The following OLFM3 variants were observed in gnomAD, a reference collection of about 807,000 sequenced individuals.
OLFM3 encodes the protein olfactomedin 3, also known as noelin-3.
Under a neutral mutation model 48.6 loss-of-function variants are expected in OLFM3, and 20 were observed. The ratio of observed to expected loss-of-function variants is 0.41; its 90% CI spans 0.29 to 0.60. The LOEUF is 0.60. Ranked by LOEUF, OLFM3 falls within the 20% of genes least tolerant of loss-of-function variation. OLFM3 has a pLI of 0.28. For missense variants in OLFM3, 437 were observed against 544.3 expected (o/e 0.80, Z 1.96); for synonymous variants, 222 against 198.1 (o/e 1.12, Z -1.01).
chr1:101,966,735 T>C (rs188280341), intron 1 of OLFM3, among the ~76,000 whole-genome samples: 1 of 142,008 alleles, frequency 7.0e-6, no homozygotes, highest in East Asian at 2.2e-4. Context: ...TGGAGGTCTT[T>C]ACTGAGATCC....
chr1:101,824,965 C>A, intron 4 of OLFM3, 61 bp downstream of exon 4: 3 of 1,414,876 alleles, frequency 2.1e-6, no homozygotes, highest in Non-Finnish European at 3.0e-6. Flanking sequence ...AACGTAAGAG[C>A]ACAATTTTCT....
rs373689540 is a variant in OLFM3, at chr1:101,820,011, T to C, written c.592+5015A>G. 7.6e-4 allele frequency among the ~76,000 whole-genome samples: 116 copies of C among 152,190 alleles called. 5 individuals carry two copies. The South Asian group carries it at 0.022, about 29-fold the overall frequency. On this transcript the variant is annotated intron_variant, in intron 4 of 5. Coordinates refer to ENST00000370103, the MANE Select transcript of OLFM3 (RefSeq NM_058170.4). Reference sequence around the variant, plus strand: ...AGTTGTCCCCACTAAAATATAACCTTGACAGGAAGAGGAAGATGGTCTCCT... The same window carrying C: ...AGTTGTCCCCACTAAAATATAACCTCGACAGGAAGAGGAAGATGGTCTCCT...
chr1:101,883,212 T>C (rs910663177), intron 1 of OLFM3, among the ~76,000 whole-genome samples: 1 of 151,480 alleles, frequency 6.6e-6, no homozygotes, highest in African/African-American at 2.4e-5. Flanking sequence ...AAAATCAATG[T>C]TTTTAGCTTG....
intron 1 of OLFM3, among the ~76,000 whole-genome samples, chr1:101,954,464 A>G (rs1570662993): frequency 6.6e-6 from 1 of 152,048 alleles, no homozygotes; most frequent in Non-Finnish European, 1.5e-5. Context: ...AACATGACAC[A>G]CTGTTTCTTG....
intron 1 of OLFM3, among the ~76,000 whole-genome samples, chr1:101,925,485 G>C (rs1325956722): frequency 6.6e-6 from 1 of 151,914 alleles, no homozygotes; most frequent in African/African-American, 2.4e-5. Flanking sequence ...GAGTGTGTGT[G>C]TGTGTGTGTC....
intron 1 of OLFM3, among the ~76,000 whole-genome samples, chr1:101,862,693 T>G (rs973386713): frequency 6.6e-6 from 1 of 152,156 alleles, no homozygotes; most frequent in Non-Finnish European, 1.5e-5. Context: ...TCACCAGAAA[T>G]GTGATTCAAT....
At chr1:101,873,986 T>C (rs1657192278) in intron 1 of OLFM3, among the ~76,000 whole-genome samples, 1 of 151,934 alleles carries the variant, frequency 6.6e-6, no homozygotes, top group Non-Finnish European at 1.5e-5. Flanking sequence ...TATTAAAATG[T>C]AATATGGCTT....
chr1:101,825,302 G>A, intron 3 of OLFM3, 57 bp from the exon 4 acceptor site: 6 of 1,309,928 alleles, frequency 4.6e-6, no homozygotes, highest in Non-Finnish European at 6.4e-6. Flanking sequence ...ATGCTGCTCT[G>A]TTCTTTTTAT....
intron 1 of OLFM3, among the ~76,000 whole-genome samples, chr1:101,914,542 T>C (rs544233969): frequency 7.0e-4 from 106 of 152,350 alleles, no homozygotes; most frequent in African/African-American, 2.5e-3. Flanking sequence ...AGAATACTAT[T>C]TCAATATTAT....
chr1:101,973,995 T>G (rs1172171704), intron 1 of OLFM3, among the ~76,000 whole-genome samples: 2 of 147,682 alleles, frequency 1.4e-5, no homozygotes, highest in Middle Eastern at 3.6e-3. Context: ...GTCTGAGGAC[T>G]TTGGTTCATT....
At chr1:101,816,087 A>G (rs1396090983) in intron 4 of OLFM3, among the ~76,000 whole-genome samples, 1 of 152,220 alleles carries the variant, frequency 6.6e-6, no homozygotes, top group Non-Finnish European at 1.5e-5. Flanking sequence ...AAACACCACT[A>G]AGATGTCTAG....
At chr1:101,922,738 A>G (rs1659136782) in intron 1 of OLFM3, among the ~76,000 whole-genome samples, 1 of 152,200 alleles carries the variant, frequency 6.6e-6, no homozygotes, top group African/African-American at 2.4e-5. Flanking sequence ...GAACACCTAA[A>G]AATGTGTTGT....
intron 1 of OLFM3, among the ~76,000 whole-genome samples, chr1:101,867,471 A>C (rs1170255857): frequency 1.3e-5 from 2 of 152,224 alleles, no homozygotes; most frequent in Non-Finnish European, 2.9e-5. Context: ...AAGTCAATCT[A>C]GACTAGAATA....
chr1:101,969,896 G>A (rs1660733582), intron 1 of OLFM3, among the ~76,000 whole-genome samples: 1 of 152,138 alleles, frequency 6.6e-6, no homozygotes, highest in African/African-American at 2.4e-5. Context: ...TGATTAAAAA[G>A]GGGAGCATCT....
intron 1 of OLFM3, among the ~76,000 whole-genome samples, chr1:101,986,123 G>A (rs12142858): frequency 0.14 from 21,958 of 151,690 alleles, 2,109 homozygotes; most frequent in Non-Finnish European, 0.19. Context: ...CCGCCACCAC[G>A]CCCGGCTAAT....
chr1:101,962,053 G>A (rs1436398882), intron 1 of OLFM3, among the ~76,000 whole-genome samples: 1 of 151,974 alleles, frequency 6.6e-6, no homozygotes, highest in Non-Finnish European at 1.5e-5. Context: ...AACAATTTCC[G>A]CTTGCCGTGT....
chr1:101,925,527 T>C (rs1263611736), intron 1 of OLFM3, among the ~76,000 whole-genome samples: 7 of 151,922 alleles, frequency 4.6e-5, no homozygotes, highest in Admixed American at 3.9e-4. Flanking sequence ...ATTTAATTAA[T>C]TTATTCTTAC....
intron 1 of OLFM3, among the ~76,000 whole-genome samples, chr1:101,916,458 G>C (rs1204638049): frequency 6.6e-6 from 1 of 151,442 alleles, no homozygotes; most frequent in Non-Finnish European, 1.5e-5. Flanking sequence ...GACAGTTAAT[G>C]TTACAAGAAA....
rs1653685893 is a variant in OLFM3, at chr1:101,804,858, C to A, written c.757G>T (p.Ala253Ser). ...GATTCAGCCCCACTGACAAAGTCTG[C>A]AATTGATTTGTATTCACGAACAATT... ...NKIVREYKSI[A>S]DFVSGAESRT... Residue 253 changes from alanine to serine, a missense_variant, in exon 6 of 6, where the codon GCA becomes TCA. By Grantham distance (99) the Ala-to-Ser change is moderately conservative. Coordinates refer to ENST00000370103, the MANE Select transcript of OLFM3 (RefSeq NM_058170.4). This position sits in a 1 kb window ranked among gnomAD's most constrained non-coding sequence, Gnocchi z 4.5. 1 of 1,612,136 alleles carries A rather than the reference C, an allele frequency of 6.2e-7. No individual in the cohort carries two copies. The highest frequency in any genetic ancestry group is 8.5e-7 in the Non-Finnish European group (1 of 1,178,908).
Sources: allele counts gnomAD v4.1 joint callset (sites outside exome capture counted in the v4.1 genomes callset), GRCh38; gene constraint gnomAD v4.1.1; non-coding constraint Gnocchi (gnomAD v3.1); transcripts MANE v1.5; gene names NCBI Gene and HGNC (gene_info 2026-07-23, HGNC 2026-07-21).